The following ANKRD30B variants were observed in gnomAD, a reference collection of about 807,000 sequenced individuals.
The protein encoded by ANKRD30B is ankyrin repeat domain 30B.
ANKRD30B carries 144 observed loss-of-function variants against 202.2 expected under a neutral mutation model. The ratio of observed to expected loss-of-function variants is 0.71; its 90% CI spans 0.62 to 0.82. The LOEUF is 0.82. Ranked by LOEUF, ANKRD30B falls within the 40% of genes least tolerant of loss-of-function variation. The probability of loss-of-function intolerance (pLI) is 0.00; values close to 1 mark genes in which losing one functional copy is unlikely to be tolerated. For synonymous variants in ANKRD30B, 508 were observed against 561.3 expected, an observed-to-expected ratio of 0.91 and a Z score of 1.34; for missense variants, 1,487 against 1,669.1, an observed-to-expected ratio of 0.89 and a Z score of 1.90.
intron 22 of ANKRD30B, among the ~76,000 whole-genome samples, chr18:14,799,561 A>G (rs1432435942): frequency 6.6e-6 from 1 of 152,070 alleles, no homozygotes; most frequent in Non-Finnish European, 1.5e-5. Flanking sequence ...CAATTTCTGT[A>G]CGTGCTCGGT....
chr18:14,871,142 C>CCCTCACCCACACACCCCCACCCACACAA, the ANKRD30B span, among the ~76,000 whole-genome samples: 3 of 50,390 alleles, frequency 6.0e-5, no homozygotes, highest in Admixed American at 5.6e-4. Flanking sequence ...CACCCACACA[C>CCCTCACCCACACACCCCCACCCACACAA]CCCCACCCAC....
At chr18:14,795,893 T>C (rs1488673369) in intron 16 of ANKRD30B, among the ~76,000 whole-genome samples, 1 of 152,022 alleles carries the variant, frequency 6.6e-6, no homozygotes, top group Admixed American at 6.6e-5. Context: ...CTTGGTCATC[T>C]TAGTAAATTC....
intron 24 of ANKRD30B, among the ~76,000 whole-genome samples, chr18:14,804,547 G>A (rs1292655689): frequency 1.3e-5 from 2 of 150,730 alleles, no homozygotes; most frequent in Middle Eastern, 3.4e-3. Context: ...AGGCGATGCT[G>A]ATGCTGGTGG....
chr18:14,823,919 G>A (rs1325207909), intron 32 of ANKRD30B, among the ~76,000 whole-genome samples: 1 of 152,152 alleles, frequency 6.6e-6, no homozygotes, highest in Non-Finnish European at 1.5e-5. Context: ...AAGTTGCAGT[G>A]AGCAAAGATC....
the ANKRD30B span, among the ~76,000 whole-genome samples, chr18:14,866,125 T>C: frequency 6.6e-6 from 1 of 152,224 alleles, no homozygotes; most frequent in African/African-American, 2.4e-5. Context: ...GAACATGTAG[T>C]CCAGAAACCA....
chr18:14,816,574 G>A (rs1598665507), intron 30 of ANKRD30B: 2 of 151,384 alleles, frequency 1.3e-5, no homozygotes, highest in Middle Eastern at 6.8e-3. Flanking sequence ...GAACCCATGA[G>A]GCAGAGATTG....
At chr18:14,873,208 C>T in the ANKRD30B span, among the ~76,000 whole-genome samples, 3 of 152,104 alleles carry the variant, frequency 2.0e-5, no homozygotes, top group African/African-American at 4.8e-5. Flanking sequence ...ATTGTTTAAA[C>T]AATATGTATA....
chr18:14,834,346 T>A (rs1971083655), intron 34 of ANKRD30B, among the ~76,000 whole-genome samples: 1 of 151,998 alleles, frequency 6.6e-6, no homozygotes. Context: ...CATATTTGTA[T>A]AATAATAAAT....
At chr18:14,885,203 A>G in the ANKRD30B span, among the ~76,000 whole-genome samples, 4 of 152,038 alleles carry the variant, frequency 2.6e-5, no homozygotes, top group East Asian at 3.9e-4. Context: ...ACTCCTATGC[A>G]TGGTGAATTT....
the ANKRD30B span, among the ~76,000 whole-genome samples, chr18:14,930,581 G>A: frequency 6.6e-6 from 1 of 152,102 alleles, no homozygotes; most frequent in African/African-American, 2.4e-5. Context: ...TGGACGCTGG[G>A]TGTGCTATGG....
intron 28 of ANKRD30B, 99 bp downstream of exon 28, chr18:14,810,279 T>C (rs143441178): frequency 0.015 from 12,108 of 785,606 alleles, 240 homozygotes; most frequent in Non-Finnish European, 0.018. Context: ...CTTTTGAAAA[T>C]TTGATGGGAA....
intron 30 of ANKRD30B, chr18:14,816,983 A>G (rs1051620387): frequency 3.3e-5 from 5 of 152,202 alleles, no homozygotes; most frequent in Non-Finnish European, 1.5e-5. Context: ...GAGGGATAGC[A>G]TTAGGAGATA....
chr18:14,822,787 A>G, intron 32 of ANKRD30B, 110 bp downstream of exon 32: 1 of 1,365,180 alleles, frequency 7.3e-7, no homozygotes, highest in Non-Finnish European at 9.7e-7. Flanking sequence ...TTGGATGGGA[A>G]AATTTGACAC....
the ANKRD30B span, among the ~76,000 whole-genome samples, chr18:14,919,432 C>G: frequency 6.6e-6 from 1 of 152,144 alleles, no homozygotes; most frequent in Admixed American, 6.5e-5. Context: ...CTCTTGATTC[C>G]CTCTGCCACA....
chr18:14,880,327 T>G, the ANKRD30B span, among the ~76,000 whole-genome samples: 17 of 152,196 alleles, frequency 1.1e-4, no homozygotes, highest in Non-Finnish European at 2.5e-4. Context: ...TGCCTCCAGG[T>G]TTGTTCTTTT....
chr18:14,758,180 T>C (rs1323642185), intron 5 of ANKRD30B, among the ~76,000 whole-genome samples: 1 of 152,192 alleles, frequency 6.6e-6, no homozygotes, highest in African/African-American at 2.4e-5. Flanking sequence ...AGGCTCGGGA[T>C]AAACACAGTG....
downstream of ANKRD30B, among the ~76,000 whole-genome samples, chr18:14,855,304 C>G (rs1972049647): frequency 6.6e-6 from 1 of 152,212 alleles, no homozygotes; most frequent in Admixed American, 6.5e-5. Flanking sequence ...ATGTCTACTT[C>G]TTTCTACACA....
chr18:14,867,051 G>A, the ANKRD30B span, among the ~76,000 whole-genome samples: 3 of 149,334 alleles, frequency 2.0e-5, no homozygotes, highest in African/African-American at 7.4e-5. Context: ...TCGGGGGGTT[G>A]GTTGGGTGCA....
In ANKRD30B at chr18:14,781,348, G is replaced by T. The variant is rs1420597721; in HGVS notation, c.1483-1179G>T. ...TTCGCTCAGTCGCCCAGGCTGGAGTGCAGTGGCTGGATCTCCACTCACTGC... is the reference window on the plus strand; with the variant it reads ...TTCGCTCAGTCGCCCAGGCTGGAGTTCAGTGGCTGGATCTCCACTCACTGC... On this transcript the variant is annotated intron_variant, in intron 11 of 43. Transcript: ENST00000690538. Among the ~76,000 whole-genome samples, 3 of 104,900 alleles carry T rather than the reference G, an allele frequency of 2.9e-5. No homozygotes were observed. In the Admixed American group the frequency reaches 3.0e-4, roughly 11 times the overall value. 68.8% of individuals were successfully genotyped at this position (104,900 alleles called of 152,430 possible).
Sources: gnomAD v4.1 joint callset for allele counts (sites outside exome capture counted in the v4.1 genomes callset) on GRCh38, gnomAD v4.1.1 for gene constraint, MANE v1.5 for transcripts, NCBI Gene and HGNC (gene_info 2026-07-23, HGNC 2026-07-21) for gene names.